The following PPP1R1C variants were observed in gnomAD, a reference collection of about 807,000 sequenced individuals.
The protein encoded by PPP1R1C is protein phosphatase 1 regulatory inhibitor subunit 1C, also known as protein phosphatase 1 regulatory subunit 1C.
PPP1R1C carries 15 observed loss-of-function variants against 17.4 expected under a neutral mutation model. The ratio of observed to expected loss-of-function variants is 0.86; its 90% CI spans 0.58 to 1.33. The LOEUF is 1.33. Among genes scored for constraint, PPP1R1C ranks in the 40% most tolerant of loss-of-function variants. The pLI is 0.00. For synonymous variants in PPP1R1C, 35 were observed against 43.1 expected (o/e 0.81, Z 0.73); for missense variants, 143 against 130.0 (o/e 1.10, Z -0.48).
intron 1 of PPP1R1C, among the ~76,000 whole-genome samples, chr2:181,963,969 A>T (rs1263454614): frequency 1.3e-5 from 2 of 152,182 alleles, no homozygotes; most frequent in East Asian, 3.8e-4. Flanking sequence ...AAACAATTCA[A>T]TTATAACTTT....
At chr2:182,051,788 T>C (rs1208371611) in intron 2 of PPP1R1C, among the ~76,000 whole-genome samples, 2 of 152,132 alleles carry the variant, frequency 1.3e-5, no homozygotes, top group African/African-American at 2.4e-5. Context: ...GATATTAGAG[T>C]GTATATGAGA....
intron 2 of PPP1R1C, among the ~76,000 whole-genome samples, chr2:182,025,981 G>A (rs1686596654): frequency 7.1e-6 from 1 of 140,696 alleles, no homozygotes; most frequent in Non-Finnish European, 1.5e-5. Flanking sequence ...ATTTTTTCAT[G>A]TGTTTTTTGG....
At chr2:182,094,779 C>T (rs990982570) in intron 4 of PPP1R1C, among the ~76,000 whole-genome samples, 1 of 152,196 alleles carries the variant, frequency 6.6e-6, no homozygotes. Flanking sequence ...ATAACTCCCA[C>T]ATGCTTAGTG....
chr2:182,023,553 A>G (rs1019462107), intron 2 of PPP1R1C, among the ~76,000 whole-genome samples: 18 of 152,200 alleles, frequency 1.2e-4, no homozygotes, highest in African/African-American at 4.1e-4. Context: ...ATAATACTGG[A>G]GTTGAAAGGA....
chr2:182,037,585 CA>C (rs71008206), intron 2 of PPP1R1C, among the ~76,000 whole-genome samples: 1,267 of 124,340 alleles, frequency 0.01, 11 homozygotes, highest in African/African-American at 0.026. Flanking sequence ...GAATCCATCT[CA>C]AAAAAAAAAA....
intron 4 of PPP1R1C, among the ~76,000 whole-genome samples, chr2:182,097,749 C>T (rs1404470692): frequency 6.6e-6 from 1 of 152,182 alleles, no homozygotes; most frequent in African/African-American, 2.4e-5. Context: ...GAATGACTCT[C>T]ATAAAACCTA....
rs1181191611 is a variant in PPP1R1C, at chr2:181,962,822, G to A, written n.111+8188G>A. On this transcript the variant is annotated intron_variant and non_coding_transcript_variant, in intron 1 of 5. Transcript: ENST00000464264. This position sits in a 1 kb window ranked among gnomAD's most constrained non-coding sequence, Gnocchi z 6.0. The stretch of plus-strand genomic sequence containing the variant: ...GAAAGCGGAGCCTGAGCTAACCAGG[G>A]ACCTTCACATCCACATGAAGACAGG... Among the ~76,000 whole-genome samples the A allele has an allele frequency of 6.6e-6, 1 of 152,110 alleles. No individual in the cohort carries two copies. Among genetic ancestry groups the A allele is most frequent in the East Asian group, 1.9e-4 (1 of 5,194 alleles).
rs76148905 is a variant in PPP1R1C, at chr2:181,957,542, C to A, written n.111+2908C>A. Among the ~76,000 whole-genome samples, 4 of 152,070 alleles carry A rather than the reference C, an allele frequency of 2.6e-5. No individual in the cohort carries two copies. The highest frequency in any genetic ancestry group is 2.6e-4 in the Admixed American group (4 of 15,280). On this transcript the variant is annotated intron_variant and non_coding_transcript_variant, in intron 1 of 5. Transcript: ENST00000464264. The surrounding 1 kb of genome is among the most constrained non-coding windows in gnomAD (Gnocchi z 4.2). ...ACAGACATTCATTCCATTGTTTATA[C>A]GTAAAATTACTAAATATTAGTTATT... is the stretch of plus-strand genomic sequence containing the variant.
intron 2 of PPP1R1C, among the ~76,000 whole-genome samples, chr2:181,993,839 A>G (rs1685535873): frequency 6.6e-6 from 1 of 152,126 alleles, no homozygotes; most frequent in African/African-American, 2.4e-5. Context: ...AGTTCTTGAT[A>G]GTGACAAGGC....
At chr2:182,093,142 T>C (rs1203193423) in intron 4 of PPP1R1C, among the ~76,000 whole-genome samples, 1 of 151,998 alleles carries the variant, frequency 6.6e-6, no homozygotes, top group African/African-American at 2.4e-5. Context: ...TAGGTGGAGG[T>C]TCCCAAACCA....
At chr2:182,050,368 C>T (rs1921144) in intron 2 of PPP1R1C, among the ~76,000 whole-genome samples, 6,505 of 152,158 alleles carry the variant, frequency 0.043, 424 homozygotes, top group Admixed American at 0.18. Flanking sequence ...TATCTTGTAC[C>T]GTTCTTTAAA....
intron 2 of PPP1R1C, among the ~76,000 whole-genome samples, chr2:182,015,961 C>T (rs752948128): frequency 4.5e-4 from 68 of 152,212 alleles, no homozygotes; most frequent in African/African-American, 7.2e-4. Context: ...GTGCGTGTGC[C>T]GGCTCCGAGC....
In PPP1R1C at chr2:181,957,779, C is replaced by A. The variant is rs1684696085; in HGVS notation, n.111+3145C>A. ...ACTTTTCTGAACACCACGCCTTACC[C>A]CATACTCATCAGCCAATGTTGATTC... On this transcript the variant is annotated intron_variant and non_coding_transcript_variant, in intron 1 of 5. Coordinates refer to the PPP1R1C transcript ENST00000464264. The surrounding 1 kb of genome is among the most constrained non-coding windows in gnomAD (Gnocchi z 4.2). Among the ~76,000 whole-genome samples the A allele has an allele frequency of 6.6e-6, 1 of 152,180 alleles. No individual in the cohort carries two copies. The highest frequency in any genetic ancestry group is 6.5e-5 in the Admixed American group (1 of 15,284).
rs1046624196 is a variant in PPP1R1C at position 181,976,891 on chromosome 2, A to C, written n.157+1627A>C. On this transcript the variant is annotated intron_variant and non_coding_transcript_variant, in intron 2 of 5. Coordinates refer to the PPP1R1C transcript ENST00000464264. The surrounding 1 kb of genome is among the most constrained non-coding windows in gnomAD (Gnocchi z 4.8). Reference sequence around the variant, plus strand: ...AATGGCTTATGCCTGTAATCCCAGCACTTTGGGATGCTGAGGCAGGTGGAT... The same window carrying C: ...AATGGCTTATGCCTGTAATCCCAGCCCTTTGGGATGCTGAGGCAGGTGGAT... 6.6e-6 allele frequency among the ~76,000 whole-genome samples: 1 copy of C among 152,026 alleles called. No individual in the cohort carries two copies. The highest frequency in any genetic ancestry group is 1.5e-5 in the Non-Finnish European group (1 of 67,994).
intron 2 of PPP1R1C, among the ~76,000 whole-genome samples, chr2:182,037,485 G>C (rs563759949): frequency 1.2e-4 from 19 of 152,122 alleles, no homozygotes; most frequent in Admixed American, 4.6e-4. Flanking sequence ...TACTCGGGAG[G>C]CTGAGGCAGG....
exon 6 of PPP1R1C, chr2:182,129,354 A>C (rs10205020): frequency 6.6e-6 from 1 of 151,578 alleles, no homozygotes; most frequent in South Asian, 2.1e-4. Context: ...GGAGTCTTTC[A>C]AAAACATTTT....
chr2:182,114,408 T>G (rs1035092854), intron 4 of PPP1R1C, among the ~76,000 whole-genome samples: 4 of 146,630 alleles, frequency 2.7e-5, no homozygotes, highest in African/African-American at 1.0e-4. Flanking sequence ...CAAATGGGGG[T>G]TTAAAGAAAA....
chr2:182,106,485 A>G (rs912721639), intron 4 of PPP1R1C, among the ~76,000 whole-genome samples: 6 of 152,204 alleles, frequency 3.9e-5, no homozygotes, highest in Non-Finnish European at 7.3e-5. Flanking sequence ...GAGCCCAGCC[A>G]CTGAGTGGCC....
At chr2:182,008,091 A>AAAT (rs1258762203) in intron 2 of PPP1R1C, among the ~76,000 whole-genome samples, 62 of 129,210 alleles carry the variant, frequency 4.8e-4, no homozygotes, top group African/African-American at 1.5e-3. Context: ...AAATAAATAA[A>AAAT]AAAATAAAAT....
Sources: allele counts gnomAD v4.1 joint callset (sites outside exome capture counted in the v4.1 genomes callset), GRCh38; gene constraint gnomAD v4.1.1; non-coding constraint Gnocchi (gnomAD v3.1); transcripts MANE v1.5; gene names NCBI Gene and HGNC (gene_info 2026-07-23, HGNC 2026-07-21).